HS1BP3: variants seen among roughly 807,000 people sequenced by gnomAD.
HS1BP3 encodes HCLS1 binding protein 3.
HS1BP3 carries 32 observed loss-of-function variants against 33.5 expected under a neutral mutation model. The ratio of observed to expected loss-of-function variants is 0.95; its 90% CI spans 0.72 to 1.28. The LOEUF (loss-of-function observed/expected upper bound fraction) is 1.28, where lower values mean the gene tolerates loss of function less well. Among genes scored for constraint, HS1BP3 ranks in the 50% most tolerant of loss-of-function variants. The pLI is 0.00. For synonymous variants in HS1BP3, 187 were observed against 209.2 expected (o/e 0.89, Z 0.92); for missense variants, 486 against 502.3 (o/e 0.97, Z 0.31).
chr2:20,648,437 G>A (rs1355105422), intron 1 of HS1BP3, among the ~76,000 whole-genome samples: 1 of 152,114 alleles, frequency 6.6e-6, no homozygotes, highest in African/African-American at 2.4e-5. Flanking sequence ...TTCTCCTCTG[G>A]TCTGACTTGT....
rs1185375800 is a variant in HS1BP3 at position 20,641,106 on chromosome 2, G to A, written c.273C>T (p.Pro91=). 8 of 1,613,540 alleles carry A rather than the reference G, an allele frequency of 5.0e-6. No individual in the cohort carries two copies. The highest frequency in any genetic ancestry group is 6.8e-6 in the Non-Finnish European group (8 of 1,180,032). The change falls in exon 3 of 7, where the codon CCC becomes CCT. Residue 91 remains proline (P), a synonymous_variant. Transcript: ENST00000304031. ...LSSRYAAASL[P]PLPRKVLFVG... Reference sequence around the variant, plus strand: ...CAAACAGGACCTTCCTGGGTAGTGGGGGGAGGCTGGCTGCTGCATAACGAC... The same window carrying A: ...CAAACAGGACCTTCCTGGGTAGTGGAGGGAGGCTGGCTGCTGCATAACGAC...
chr2:20,572,290 C>G (rs886880673), intron 5 of HS1BP3, among the ~76,000 whole-genome samples: 2 of 152,178 alleles, frequency 1.3e-5, no homozygotes, highest in African/African-American at 4.8e-5. Context: ...TAGGTTGGGG[C>G]CATTTTTCCT....
At chr2:20,602,167 C>G (rs938737010) in intron 2 of HS1BP3, among the ~76,000 whole-genome samples, 1 of 150,596 alleles carries the variant, frequency 6.6e-6, no homozygotes, top group Non-Finnish European at 1.5e-5. Context: ...GACCTGCTCT[C>G]TTCTAGCTGA....
chr2:20,574,380 GC>G (rs1233443052), intron 5 of HS1BP3, among the ~76,000 whole-genome samples: 1 of 152,212 alleles, frequency 6.6e-6, no homozygotes, highest in Non-Finnish European at 1.5e-5. Flanking sequence ...GAAGATATTA[GC>G]CCATGAAAAT....
chr2:20,583,212 C>T (rs59771803), intron 5 of HS1BP3, among the ~76,000 whole-genome samples: 6,434 of 152,326 alleles, frequency 0.042, 436 homozygotes, highest in African/African-American at 0.14. Context: ...CACAGGTTGT[C>T]CCATTGCACT....
At chr2:20,614,769 G>A (rs1694387115), downstream of HS1BP3, among the ~76,000 whole-genome samples, 3 of 152,252 alleles carry the variant, frequency 2.0e-5, no homozygotes. Context: ...TCAGGCCTCT[G>A]AAAGTCAGCA....
intron 2 of HS1BP3, among the ~76,000 whole-genome samples, chr2:20,600,857 A>G (rs1338086116): frequency 6.6e-6 from 1 of 152,000 alleles, no homozygotes. Context: ...GTATTTCAAA[A>G]TTTTTTTATT....
the HS1BP3 span, among the ~76,000 whole-genome samples, chr2:20,553,879 C>T: frequency 6.6e-6 from 1 of 152,180 alleles, no homozygotes; most frequent in Non-Finnish European, 1.5e-5. Flanking sequence ...TGAGATCTTA[C>T]CTTTTGTGCA....
intron 2 of HS1BP3, 108 bp downstream of exon 2, chr2:20,645,232 C>T: frequency 8.7e-7 from 1 of 1,151,332 alleles, no homozygotes; most frequent in South Asian, 1.5e-5. Flanking sequence ...AAGCAACAGA[C>T]AGAGAAGCAC....
chr2:20,575,129 T>C (rs1693368939), intron 5 of HS1BP3, among the ~76,000 whole-genome samples: 1 of 152,210 alleles, frequency 6.6e-6, no homozygotes, highest in African/African-American at 2.4e-5. Flanking sequence ...ACCCCCATAT[T>C]GTTGTTGGGC....
At chr2:20,583,831 G>A (rs1156891826) in intron 5 of HS1BP3, among the ~76,000 whole-genome samples, 1 of 152,168 alleles carries the variant, frequency 6.6e-6, no homozygotes, top group Admixed American at 6.5e-5. Context: ...CAGGGTCATG[G>A]TCTCCCTGAC....
intron 2 of HS1BP3, among the ~76,000 whole-genome samples, chr2:20,641,585 A>G (rs934460295): frequency 6.6e-6 from 1 of 152,166 alleles, no homozygotes; most frequent in Non-Finnish European, 1.5e-5. Flanking sequence ...ATCTGTTCTC[A>G]GCACCAACCT....
At chr2:20,595,030 G>A (rs541971709) in intron 3 of HS1BP3, among the ~76,000 whole-genome samples, 32 of 152,132 alleles carry the variant, frequency 2.1e-4, no homozygotes, top group Non-Finnish European at 4.0e-4. Context: ...ATAGCATCTC[G>A]GGATAGACAG....
At chr2:20,612,729 T>C (rs1020747033) in intron 2 of HS1BP3, among the ~76,000 whole-genome samples, 3 of 152,216 alleles carry the variant, frequency 2.0e-5, no homozygotes, top group African/African-American at 7.2e-5. Flanking sequence ...GGCTTTTCCA[T>C]TGTTTCCACT....
chr2:20,586,945 G>A (rs544662054), intron 5 of HS1BP3, among the ~76,000 whole-genome samples: 4 of 152,072 alleles, frequency 2.6e-5, no homozygotes, highest in South Asian at 4.1e-4. Context: ...GGTGTAGACC[G>A]TAACACCAGC....
Position 20,618,739 on chromosome 2 carries a change from C to G in HS1BP3, c.*248G>C, listed in dbSNP as rs1694497298. The G allele has an allele frequency of 7.7e-7, 1 of 1,306,464 alleles. No homozygotes were observed. 80.9% of individuals were successfully genotyped at this position (1,306,464 alleles called of 1,614,324 possible). A position where few individuals can be genotyped will look rare whatever the true frequency, so the allele number is the denominator to read the frequency against. On this transcript the variant is annotated 3_prime_UTR_variant, in exon 7 of 7. Transcript: ENST00000304031. Reference sequence around the variant, plus strand: ...CCACACCCTCCCTCCCCTTCATGTCCACGGGGAATAAGACACATTGGGCTC... The same window carrying G: ...CCACACCCTCCCTCCCCTTCATGTCGACGGGGAATAAGACACATTGGGCTC...
At chr2:20,629,605 G>A (rs1374507423) in intron 4 of HS1BP3, among the ~76,000 whole-genome samples, 1 of 152,230 alleles carries the variant, frequency 6.6e-6, no homozygotes. Flanking sequence ...ACTAGTGCAG[G>A]CCATGAGGGC....
intron 4 of HS1BP3, chr2:20,636,684 C>T (rs1695140856): frequency 6.6e-6 from 1 of 152,178 alleles, no homozygotes; most frequent in East Asian, 1.9e-4. Context: ...ACTTTTGCTT[C>T]AGTTTTATGG....
At chr2:20,633,956 T>C (rs900517048) in intron 4 of HS1BP3, among the ~76,000 whole-genome samples, 9 of 152,260 alleles carry the variant, frequency 5.9e-5, no homozygotes, top group African/African-American at 2.2e-4. Context: ...CCTTTCCTTA[T>C]GGCTTTGGGT....
Sources: gnomAD v4.1 joint callset for allele counts (sites outside exome capture counted in the v4.1 genomes callset) on GRCh38, gnomAD v4.1.1 for gene constraint, MANE v1.5 for transcripts, NCBI Gene and HGNC (gene_info 2026-07-23, HGNC 2026-07-21) for gene names.